Variants in SLAIN2 observed in about 807,000 individuals in gnomAD.
SLAIN2 encodes the protein SLAIN family member 2, also known as SLAIN motif-containing protein 2.
A neutral mutation model predicts 56.6 loss-of-function variants in SLAIN2; 31 were observed. That is an observed-to-expected ratio of 0.55 (90% CI 0.41 to 0.74). The LOEUF (loss-of-function observed/expected upper bound fraction) is 0.74. SLAIN2 is among the 30% of genes least tolerant of loss of function. The probability of loss-of-function intolerance (pLI) is 0.00; values close to 1 mark genes in which losing one functional copy is unlikely to be tolerated. For missense variants in SLAIN2, 777 were observed against 754.2 expected (o/e 1.03, Z -0.35); for synonymous variants, 317 against 284.9 (o/e 1.11, Z -1.13).
At chr4:48,408,528 A>G in intron 6 of SLAIN2, among the ~76,000 whole-genome samples, 1 of 88,294 alleles carries the variant, frequency 1.1e-5, no homozygotes, top group South Asian at 6.3e-4. Flanking sequence ...GTCCGTTTTT[A>G]GCAAAAAAAA....
chr4:48,397,016 T>C (rs1441973219), intron 6 of SLAIN2, among the ~76,000 whole-genome samples: 3 of 152,182 alleles, frequency 2.0e-5, no homozygotes, highest in Non-Finnish European at 4.4e-5. Context: ...TATCCCACTC[T>C]GAAGAAAACA....
chr4:48,384,848 G>C (rs1716061509), intron 6 of SLAIN2, among the ~76,000 whole-genome samples: 1 of 152,126 alleles, frequency 6.6e-6, no homozygotes, highest in African/African-American at 2.4e-5. Context: ...AAAATGATAG[G>C]ATGATGAGGA....
At chr4:48,395,459 AAAG>A (rs1424009889) in intron 6 of SLAIN2, among the ~76,000 whole-genome samples, 1 of 152,100 alleles carries the variant, frequency 6.6e-6, no homozygotes, top group Non-Finnish European at 1.5e-5. Context: ...AAAAAAAGGA[AAAG>A]AAAAAATTTG....
chr4:48,342,702 A>G (rs1241681615), intron 1 of SLAIN2, among the ~76,000 whole-genome samples: 2 of 117,578 alleles, frequency 1.7e-5, no homozygotes, highest in Admixed American at 9.6e-5. Context: ...AGGGCAGAGG[A>G]TGGTGCTGCT....
chr4:48,420,628 T>C (rs1717122924), intron 7 of SLAIN2, 185 bp downstream of exon 7: 2 of 768,464 alleles, frequency 2.6e-6, no homozygotes, highest in East Asian at 2.7e-5. Flanking sequence ...TTGGGACTTT[T>C]ACCAGTTTGG....
Position 48,403,612 on chromosome 4 carries a change from C to T in SLAIN2, c.1361-16513C>T, listed in dbSNP as rs116327916. Among the ~76,000 whole-genome samples the T allele has an allele frequency of 3.6e-3, 553 of 152,268 alleles. 6 individuals are homozygous for T. The highest frequency in any genetic ancestry group is 0.013 in the African/African-American group (542 of 41,552). ...GCGGCCACCCTTCCTCCCAGGAGTT[C>T]GGTCTGTGTCAGGCAGTCTCCAGCC... On this transcript the variant is annotated intron_variant, in intron 6 of 7. Coordinates refer to ENST00000264313, the MANE Select transcript of SLAIN2 (RefSeq NM_020846.2).
chr4:48,391,028 A>G (rs1716225003), intron 6 of SLAIN2, among the ~76,000 whole-genome samples: 1 of 152,244 alleles, frequency 6.6e-6, no homozygotes, highest in Non-Finnish European at 1.5e-5. Context: ...TTGAAGGATC[A>G]AGTCTAATGA....
intron 3 of SLAIN2, among the ~76,000 whole-genome samples, chr4:48,379,244 T>C (rs528777672): frequency 2.0e-5 from 3 of 152,282 alleles, no homozygotes; most frequent in Non-Finnish European, 2.9e-5. Flanking sequence ...ATTCAAATTA[T>C]AGTTTTCTCA....
At chr4:48,406,926 T>C (rs1292064902) in intron 6 of SLAIN2, among the ~76,000 whole-genome samples, 3 of 152,138 alleles carry the variant, frequency 2.0e-5, no homozygotes, top group African/African-American at 7.2e-5. Flanking sequence ...GGATGTACAA[T>C]AGATATTTTC....
intron 1 of SLAIN2, among the ~76,000 whole-genome samples, chr4:48,363,905 C>T (rs1256912184): frequency 1.3e-4 from 16 of 126,068 alleles, no homozygotes; most frequent in African/African-American, 2.9e-4. Flanking sequence ...CCGGACGGCA[C>T]GGCTGGCCAG....
chr4:48,378,029 A>T lies in SLAIN2; in HGVS notation c.672A>T (p.Ile224=). 6.2e-7 allele frequency: 1 copy of T among 1,613,752 alleles called. No individual in the cohort carries two copies. The highest frequency in any genetic ancestry group is 8.5e-7 in the Non-Finnish European group (1 of 1,179,814). Residue 224 remains isoleucine (I), a synonymous_variant, in exon 3 of 8, where the codon ATA becomes ATT. Transcript: ENST00000264313. ...SPSSTPVRPP[I]VKQLILPGNS... ...CCTCAACCCCAGTGCGACCTCCTAT[A>T]GTCAAACAGCTTATACTTCCTGGAA...
At chr4:48,360,515 C>G (rs555526222) in intron 1 of SLAIN2, among the ~76,000 whole-genome samples, 1 of 152,122 alleles carries the variant, frequency 6.6e-6, no homozygotes, top group East Asian at 1.9e-4. Context: ...TCACTTGAAC[C>G]TGGGAGACAG....
chr4:48,383,780 A>C lies in SLAIN2; in HGVS notation c.1356A>C (p.Ser452=), dbSNP rs1159906571. The change falls in exon 6 of 8, where the codon TCA becomes TCC. Residue 452 remains serine, a synonymous_variant. Transcript: ENST00000264313. ...TACCTCGTATGCAACCTCAGGCTTCAGCCAGTAAGTATCCTTCTTATGCTT... is the reference window on the plus strand; with the variant it reads ...TACCTCGTATGCAACCTCAGGCTTCCGCCAGTAAGTATCCTTCTTATGCTT... ...GGIPRMQPQA[S]AIPSPGKFRS... 3 of 1,611,548 alleles carry C rather than the reference A, an allele frequency of 1.9e-6. No individual in the cohort carries two copies. Among genetic ancestry groups the C allele is most frequent in the Admixed American group, 1.7e-5 (1 of 59,838 alleles).
At chr4:48,395,911 C>A (rs1716367970) in intron 6 of SLAIN2, among the ~76,000 whole-genome samples, 1 of 140,854 alleles carries the variant, frequency 7.1e-6, no homozygotes, top group African/African-American at 2.7e-5. Context: ...ACTGTGGTAT[C>A]TAAACTAGGG....
At chr4:48,407,473 A>G (rs758020279) in intron 6 of SLAIN2, among the ~76,000 whole-genome samples, 43 of 152,158 alleles carry the variant, frequency 2.8e-4, no homozygotes, top group Non-Finnish European at 5.1e-4. Flanking sequence ...CACTTCTTGT[A>G]GAAGAGTTAC....
intron 6 of SLAIN2, among the ~76,000 whole-genome samples, chr4:48,416,360 T>TGC (rs2109788347): frequency 1.0e-5 from 1 of 97,620 alleles, no homozygotes; most frequent in East Asian, 2.6e-4. Context: ...GGCTCTCTGT[T>TGC]TGTCTGTTGT....
intron 2 of SLAIN2, among the ~76,000 whole-genome samples, chr4:48,372,418 A>G (rs1051693041): frequency 9.9e-5 from 15 of 152,234 alleles, no homozygotes; most frequent in African/African-American, 3.4e-4. Context: ...AAGCAGCCAT[A>G]GACAATACAT....
chr4:48,342,619 G>A (rs917495918), intron 1 of SLAIN2, among the ~76,000 whole-genome samples: 1 of 151,972 alleles, frequency 6.6e-6, no homozygotes, highest in Non-Finnish European at 1.5e-5. Context: ...CCCATTTCTG[G>A]CGGGGATGGG....
chr4:48,343,788 C>T (rs554630985), intron 1 of SLAIN2, among the ~76,000 whole-genome samples: 1 of 152,156 alleles, frequency 6.6e-6, no homozygotes, highest in Non-Finnish European at 1.5e-5. Context: ...TGATGACATA[C>T]CTTTATTACC....
Sources: gnomAD v4.1 joint callset for allele counts (sites outside exome capture counted in the v4.1 genomes callset) on GRCh38, gnomAD v4.1.1 for gene constraint, MANE v1.5 for transcripts, NCBI Gene and HGNC (gene_info 2026-07-23, HGNC 2026-07-21) for gene names.